The following ARHGAP44 variants were observed in gnomAD, a reference collection of about 807,000 sequenced individuals.
ARHGAP44 encodes Rho GTPase activating protein 44, also known as rho GTPase-activating protein 44.
Under a neutral mutation model 106.8 loss-of-function variants are expected in ARHGAP44, and 43 were observed. The ratio of observed to expected loss-of-function variants is 0.40; its 90% CI spans 0.32 to 0.52. The LOEUF (loss-of-function observed/expected upper bound fraction) is 0.52, where lower values mean the gene tolerates loss of function less well. ARHGAP44 is among the 20% of genes least tolerant of loss of function. The probability of loss-of-function intolerance (pLI) is 0.48; values close to 1 mark genes in which losing one functional copy is unlikely to be tolerated. For missense variants in ARHGAP44, 866 were observed against 1,050.5 expected, an observed-to-expected ratio of 0.82 and a Z score of 2.43; for synonymous variants, 439 against 410.3, an observed-to-expected ratio of 1.07 and a Z score of -0.85.
At chr17:12,839,565 G>A (rs752749844) in intron 1 of ARHGAP44, among the ~76,000 whole-genome samples, 5 of 152,106 alleles carry the variant, frequency 3.3e-5, no homozygotes, top group Non-Finnish European at 7.4e-5. Flanking sequence ...AACTTGCTGG[G>A]AATTATTTGT....
chr17:12,990,082 C>G lies in ARHGAP44; in HGVS notation c.2368C>G (p.Leu790Val), dbSNP rs754039450. ...PSIHIELGST[L>V]RLSPLEHMRR... Reference sequence around the variant, plus strand: ...GATCCACATAGAGCTCGGGTCGACGCTCCGCCTGAGTCCCCTGGAGCACAT... The same window carrying G: ...GATCCACATAGAGCTCGGGTCGACGGTCCGCCTGAGTCCCCTGGAGCACAT... Residue 790 changes from leucine to valine, a missense_variant, in exon 21 of 21, where the codon CTC becomes GTC. Leu to Val is a conservative substitution (Grantham distance 32, BLOSUM62 1). Transcript: ENST00000379672. The G allele has an allele frequency of 2.5e-6, 4 of 1,613,244 alleles. No individual in the cohort carries two copies. The South Asian group carries it at 4.4e-5, about 18-fold the overall frequency.
At chr17:12,809,401 G>A (rs1301986917) in intron 1 of ARHGAP44, among the ~76,000 whole-genome samples, 1 of 152,162 alleles carries the variant, frequency 6.6e-6, no homozygotes, top group Non-Finnish European at 1.5e-5. Flanking sequence ...CACATGACTG[G>A]GGAGGCCTCA....
At chr17:12,886,765 C>G (rs2036892479) in intron 1 of ARHGAP44, among the ~76,000 whole-genome samples, 1 of 152,050 alleles carries the variant, frequency 6.6e-6, no homozygotes, top group Non-Finnish European at 1.5e-5. Flanking sequence ...CCTCTTATAT[C>G]TACATGCTTT....
Position 12,886,221 on chromosome 17 carries a change from C to T in ARHGAP44, c.54-8719C>T, listed in dbSNP as rs117359582. Among the ~76,000 whole-genome samples, 101 of 152,220 alleles carry T rather than the reference C, an allele frequency of 6.6e-4. 2 individuals carry two copies. In the East Asian group the frequency reaches 0.018, roughly 28 times the overall value. On this transcript the variant is annotated intron_variant, in intron 1 of 20. Coordinates refer to ENST00000379672, the MANE Select transcript of ARHGAP44 (RefSeq NM_014859.6). The stretch of plus-strand genomic sequence containing the variant: ...TTTCTTTATTTTTGCCAAGACCGTA[C>T]TCTCTTGATTGACTACTTAATTTTA...
intron 10 of ARHGAP44, among the ~76,000 whole-genome samples, chr17:12,947,579 C>T (rs2038887242): frequency 6.6e-6 from 1 of 152,210 alleles, no homozygotes; most frequent in South Asian, 2.1e-4. Flanking sequence ...TCCTCTAACA[C>T]CCCCGAAACA....
intron 1 of ARHGAP44, among the ~76,000 whole-genome samples, chr17:12,853,409 C>T (rs1476782444): frequency 1.3e-5 from 2 of 152,148 alleles, no homozygotes; most frequent in Admixed American, 1.3e-4. Context: ...CCCTGATCTA[C>T]AGAAGGAGGT....
In ARHGAP44 at chr17:12,944,151, C is replaced by G. The variant is rs373209701; in HGVS notation, c.816C>G (p.Ile272Met). 6.2e-7 allele frequency: 1 copy of G among 1,612,506 alleles called. No individual in the cohort carries two copies. Among genetic ancestry groups the G allele is most frequent in the Non-Finnish European group, 8.5e-7 (1 of 1,179,782 alleles). ...TISGREIAFP[I>M]EACVTMLLEC... ...GCGGCCGGGAGATCGCCTTCCCCATCGAGGCGTGTGTGACCATGCTGCTTG... is the reference window on the plus strand; with the variant it reads ...GCGGCCGGGAGATCGCCTTCCCCATGGAGGCGTGTGTGACCATGCTGCTTG... Residue 272 changes from isoleucine (I) to methionine (M), a missense_variant, in exon 10 of 21, where the codon ATC becomes ATG. By Grantham distance (10) the Ile-to-Met change is conservative (BLOSUM62 1). Coordinates refer to ENST00000379672, the MANE Select transcript of ARHGAP44 (RefSeq NM_014859.6).
intron 1 of ARHGAP44, among the ~76,000 whole-genome samples, chr17:12,885,898 T>C (rs1387624254): frequency 6.6e-6 from 1 of 152,164 alleles, no homozygotes; most frequent in East Asian, 1.9e-4. Flanking sequence ...TTATGAATCA[T>C]GGTTTTGATG....
chr17:12,837,914 G>A (rs1216422071), intron 1 of ARHGAP44, among the ~76,000 whole-genome samples: 2 of 152,066 alleles, frequency 1.3e-5, no homozygotes, highest in African/African-American at 4.8e-5. Context: ...GATGATCAAT[G>A]TGCTCCATTG....
At chr17:12,979,997 G>C in intron 18 of ARHGAP44, 61 bp from the exon 19 acceptor site, 1 of 1,506,608 alleles carries the variant, frequency 6.6e-7, no homozygotes, top group Non-Finnish European at 8.9e-7. Flanking sequence ...CATCGGCAAG[G>C]CTGGTGCTGC....
intron 7 of ARHGAP44, among the ~76,000 whole-genome samples, chr17:12,939,900 G>T (rs1364563762): frequency 1.3e-5 from 2 of 152,190 alleles, no homozygotes; most frequent in African/African-American, 4.8e-5. Flanking sequence ...CTGTTGCCTT[G>T]TGTACAAGAA....
intron 4 of ARHGAP44, among the ~76,000 whole-genome samples, chr17:12,914,761 A>G (rs2037852697): frequency 6.8e-6 from 1 of 148,002 alleles, no homozygotes; most frequent in Admixed American, 7.0e-5. Context: ...GTGCCACTGT[A>G]CTCCAGCCTA....
chr17:12,849,070 C>G (rs528439544), intron 1 of ARHGAP44, among the ~76,000 whole-genome samples: 2 of 150,962 alleles, frequency 1.3e-5, no homozygotes, highest in Non-Finnish European at 2.9e-5. Flanking sequence ...AAAAAGTTGA[C>G]TAGATTCTAG....
intron 1 of ARHGAP44, among the ~76,000 whole-genome samples, chr17:12,808,454 G>C (rs566171123): frequency 1.3e-5 from 2 of 152,354 alleles, no homozygotes; most frequent in East Asian, 3.9e-4. Context: ...AAATCTAGGA[G>C]GAGGTTTTCA....
In ARHGAP44 at chr17:12,958,934, A is replaced by G; in HGVS notation, c.1523+37A>G. On this transcript the variant is annotated intron_variant, in intron 16 of 20. Transcript: ENST00000379672. The surrounding 1 kb of genome is among the most constrained non-coding windows in gnomAD (Gnocchi z 4.1). Reference sequence around the variant, plus strand: ...TGTCTCTTTCTCAGCACTGGGGATTAGGGGAGGTGGTGGGGGTGGATGGGT... The same window carrying G: ...TGTCTCTTTCTCAGCACTGGGGATTGGGGGAGGTGGTGGGGGTGGATGGGT... 4 of 1,579,516 alleles carry G rather than the reference A, an allele frequency of 2.5e-6. No homozygotes were observed. Among genetic ancestry groups the G allele is most frequent in the Non-Finnish European group, 3.4e-6 (4 of 1,161,856 alleles).
chr17:12,843,486 C>A (rs1411910775), intron 1 of ARHGAP44, among the ~76,000 whole-genome samples: 3 of 151,956 alleles, frequency 2.0e-5, no homozygotes, highest in Non-Finnish European at 4.4e-5. Context: ...GATTTTGGCA[C>A]CTCGTTCATC....
intron 1 of ARHGAP44, among the ~76,000 whole-genome samples, chr17:12,887,796 T>C (rs1029034224): frequency 3.3e-5 from 5 of 152,142 alleles, no homozygotes; most frequent in Non-Finnish European, 4.4e-5. Flanking sequence ...AAAGTACAAA[T>C]TCAAATTTTT....
At chr17:12,841,209 G>T (rs962561667) in intron 1 of ARHGAP44, among the ~76,000 whole-genome samples, 1 of 152,162 alleles carries the variant, frequency 6.6e-6, no homozygotes, top group African/African-American at 2.4e-5. Flanking sequence ...AGCACAACTT[G>T]GTGTAAATAT....
At chr17:12,833,198 A>G (rs2150816019) in intron 1 of ARHGAP44, among the ~76,000 whole-genome samples, 1 of 152,312 alleles carries the variant, frequency 6.6e-6, no homozygotes, top group Non-Finnish European at 1.5e-5. Context: ...AAAGGGGACC[A>G]AGTAAGAATT....
Sources: gnomAD v4.1 joint callset for allele counts (sites outside exome capture counted in the v4.1 genomes callset) on GRCh38, gnomAD v4.1.1 for gene constraint, Gnocchi (gnomAD v3.1) non-coding constraint, MANE v1.5 for transcripts, NCBI Gene and HGNC (gene_info 2026-07-23, HGNC 2026-07-21) for gene names.